The following SAMD4A variants were observed in gnomAD, a reference collection of about 807,000 sequenced individuals.
SAMD4A encodes the protein protein Smaug homolog 1.
Under a neutral mutation model 81.3 loss-of-function variants are expected in SAMD4A, and 33 were observed. The observed-to-expected ratio is 0.41, with a 90% CI of 0.31 to 0.54. The LOEUF is 0.54. Ranked by LOEUF, SAMD4A falls within the 20% of genes least tolerant of loss-of-function variation. SAMD4A has a pLI of 0.37. For synonymous variants in SAMD4A, 389 were observed against 382.1 expected (o/e 1.02, Z -0.21); for missense variants, 854 against 951.1 (o/e 0.90, Z 1.34).
intron 2 of SAMD4A, among the ~76,000 whole-genome samples, chr14:54,634,153 G>A (rs1044564995): frequency 2.6e-5 from 4 of 152,000 alleles, no homozygotes; most frequent in Non-Finnish European, 4.4e-5. Flanking sequence ...AGGGATGGTG[G>A]TGTATGCCTG....
In SAMD4A at chr14:54,782,720, C is replaced by T. The variant is rs145160968; in HGVS notation, c.2045-1817C>T. Among the ~76,000 whole-genome samples the T allele has an allele frequency of 1.5e-3, 236 of 152,348 alleles. 1 individual carries two copies. Among genetic ancestry groups the T allele is most frequent in the African/African-American group, 5.0e-3 (209 of 41,578 alleles). On this transcript the variant is annotated intron_variant, in intron 11 of 12. Coordinates refer to ENST00000554335, the MANE Select transcript of SAMD4A (RefSeq NM_015589.6). ...CCAGGCTTCTGAGATTTTTAAATAA[C>T]GGAAGCAACATCTGCCTCTGAATTA...
intron 2 of SAMD4A, among the ~76,000 whole-genome samples, chr14:54,623,144 T>C (rs957784876): frequency 2.0e-5 from 3 of 152,154 alleles, no homozygotes; most frequent in Non-Finnish European, 4.4e-5. Flanking sequence ...CTCCTTGCCC[T>C]GTTCCCACAT....
intron 3 of SAMD4A, among the ~76,000 whole-genome samples, chr14:54,713,322 T>C (rs1282442175): frequency 6.6e-6 from 1 of 152,132 alleles, no homozygotes; most frequent in Middle Eastern, 3.2e-3. Flanking sequence ...TAAATCTCAT[T>C]CCGGCCATCT....
chr14:54,701,208 C>T (rs1057015589), intron 2 of SAMD4A: 2 of 151,986 alleles, frequency 1.3e-5, no homozygotes, highest in African/African-American at 4.8e-5. Flanking sequence ...CATTATGTTG[C>T]CTAAGTTGGT....
chr14:54,765,821 C>T (rs978919224), intron 8 of SAMD4A, among the ~76,000 whole-genome samples: 1 of 150,208 alleles, frequency 6.7e-6, no homozygotes, highest in South Asian at 2.1e-4. Context: ...TCTCACGGCC[C>T]TCACCCACTA....
chr14:54,627,637 T>A (rs2034797036), intron 2 of SAMD4A, among the ~76,000 whole-genome samples: 3 of 152,248 alleles, frequency 2.0e-5, no homozygotes, highest in Admixed American at 2.0e-4. Flanking sequence ...GAAGTCATTG[T>A]TGAAGATGAG....
At chr14:54,696,683 A>T (rs1020659490) in intron 2 of SAMD4A, among the ~76,000 whole-genome samples, 16 of 152,208 alleles carry the variant, frequency 1.1e-4, no homozygotes, top group African/African-American at 3.6e-4. Context: ...TCACTCCAAA[A>T]ATCATTGGGA....
chr14:54,678,675 A>G (rs986757041), intron 2 of SAMD4A, among the ~76,000 whole-genome samples: 1 of 150,496 alleles, frequency 6.6e-6, no homozygotes, highest in Admixed American at 6.6e-5. Context: ...CAGCCTCCTG[A>G]GTAGCTGGGA....
rs962798693 is a variant in SAMD4A at position 54,677,703 on chromosome 14, G to T, written c.197-24359G>T. ...AATGAAGATTTTTGTGGGGCAGATTGTTCCTCTCCATAACCCACACATTCT... is the reference window on the plus strand; with the variant it reads ...AATGAAGATTTTTGTGGGGCAGATTTTTCCTCTCCATAACCCACACATTCT... On this transcript the variant is annotated intron_variant, in intron 2 of 12. Transcript: ENST00000554335. Among the ~76,000 whole-genome samples the T allele has an allele frequency of 3.3e-5, 5 of 152,184 alleles. No individual in the cohort carries two copies. The South Asian group carries it at 6.2e-4, about 19-fold the overall frequency.
rs2038352053 is a variant in SAMD4A, at chr14:54,760,106, G to GTGGA, written c.1177-52_1177-49dup. The GTGGA allele has an allele frequency of 1.8e-5, 28 of 1,561,634 alleles. 1 individual carries two copies. The highest frequency in any genetic ancestry group is 3.4e-4 in the Middle Eastern group (2 of 5,912). On this transcript the variant is annotated intron_variant, in intron 6 of 12. Transcript: ENST00000554335. ...AGGGCAGGGGAGGGCAGGTACGGGG[G>GTGGA]TGGATGACCCTTATTCCTGAGCCTA...
chr14:54,647,985 G>A (rs1327126869), intron 2 of SAMD4A, among the ~76,000 whole-genome samples: 2 of 152,252 alleles, frequency 1.3e-5, no homozygotes, highest in African/African-American at 4.8e-5. Flanking sequence ...GCACTGTTCA[G>A]TAGGGTGGCC....
chr14:54,702,771 T>C lies in SAMD4A; in HGVS notation c.715+191T>C, dbSNP rs552183340. The C allele has an allele frequency of 1.3e-3, 879 of 659,664 alleles. 15 individuals carry two copies. The South Asian group carries it at 0.016, about 12-fold the overall frequency. 40.9% of individuals were successfully genotyped at this position (659,664 alleles called of 1,614,324 possible). The stretch of plus-strand genomic sequence containing the variant: ...TTTGACTCTGCAAAGATGAAAATAC[T>C]TGGGAAGGTAAAAGTGACTGATGGT... On this transcript the variant is annotated intron_variant, in intron 3 of 12. Coordinates refer to ENST00000554335, the MANE Select transcript of SAMD4A (RefSeq NM_015589.6).
At chr14:54,782,274 G>A (rs992218611) in intron 11 of SAMD4A, among the ~76,000 whole-genome samples, 6 of 151,852 alleles carry the variant, frequency 4.0e-5, no homozygotes, top group Non-Finnish European at 8.8e-5. Context: ...AAAGGGGAGC[G>A]CTGGAGAGTA....
chr14:54,650,639 T>C (rs1231596420), intron 2 of SAMD4A, among the ~76,000 whole-genome samples: 1 of 152,230 alleles, frequency 6.6e-6, no homozygotes, highest in Non-Finnish European at 1.5e-5. Context: ...AGCCAAAATA[T>C]GCCAAAGTCA....
intron 2 of SAMD4A, among the ~76,000 whole-genome samples, chr14:54,612,714 C>T (rs1294531578): frequency 1.3e-5 from 2 of 152,196 alleles, no homozygotes; most frequent in Non-Finnish European, 2.9e-5. Context: ...CACCCACCCT[C>T]ATCCATCTGC....
chr14:54,661,472 A>G (rs1218513371), intron 2 of SAMD4A, among the ~76,000 whole-genome samples: 3 of 152,336 alleles, frequency 2.0e-5, no homozygotes, highest in Non-Finnish European at 2.9e-5. Flanking sequence ...GCAAGCCCCT[A>G]AAGTAGACCC....
intron 7 of SAMD4A, 60 bp downstream of exon 7, chr14:54,760,554 C>T (rs2038370325): frequency 1.5e-6 from 2 of 1,361,730 alleles, no homozygotes; most frequent in South Asian, 1.9e-5. Flanking sequence ...GAGCGACAGG[C>T]TCCTGGGGGC....
In SAMD4A at chr14:54,670,358, A is replaced by G. The variant is rs2035853754; in HGVS notation, c.197-31704A>G. On this transcript the variant is annotated intron_variant, in intron 2 of 12. Coordinates refer to ENST00000554335, the MANE Select transcript of SAMD4A (RefSeq NM_015589.6). ...GCTTTTCACATAAAAGACCAAAACCACGAAATCCAGGAAGCCAAGAATGAA... is the reference window on the plus strand; with the variant it reads ...GCTTTTCACATAAAAGACCAAAACCGCGAAATCCAGGAAGCCAAGAATGAA... Among the ~76,000 whole-genome samples, 3 of 152,190 alleles carry G rather than the reference A, an allele frequency of 2.0e-5. No individual in the cohort carries two copies. The South Asian group carries it at 6.2e-4, about 32-fold the overall frequency.
chr14:54,680,021 T>C (rs2036092538), intron 2 of SAMD4A, among the ~76,000 whole-genome samples: 1 of 152,218 alleles, frequency 6.6e-6, no homozygotes, highest in Non-Finnish European at 1.5e-5. Context: ...GCATGTGTGC[T>C]CACAGTCCTA....
Sources: allele counts gnomAD v4.1 joint callset (sites outside exome capture counted in the v4.1 genomes callset), GRCh38; gene constraint gnomAD v4.1.1; transcripts MANE v1.5; gene names NCBI Gene and HGNC (gene_info 2026-07-23, HGNC 2026-07-21).